The following PTPRM variants were observed in gnomAD, a reference collection of about 807,000 sequenced individuals.
PTPRM encodes the protein receptor-type tyrosine-protein phosphatase mu.
PTPRM carries 47 observed loss-of-function variants against 186.7 expected under a neutral mutation model. The observed-to-expected ratio is 0.25, with a 90% CI of 0.20 to 0.32. The LOEUF is 0.32. Among genes scored for constraint, PTPRM ranks in the 10% least tolerant of loss-of-function variants. The pLI is 1.00. For missense variants in PTPRM, 1,494 were observed against 1,865.0 expected (o/e 0.80, Z 3.66); for synonymous variants, 668 against 674.9 (o/e 0.99, Z 0.16).
At chr18:8,110,885 C>T (rs908869769) in intron 11 of PTPRM, among the ~76,000 whole-genome samples, 3 of 152,140 alleles carry the variant, frequency 2.0e-5, no homozygotes, top group African/African-American at 4.8e-5. Context: ...TCAGTGGAGA[C>T]TAGCTTATGT....
intron 2 of PTPRM, among the ~76,000 whole-genome samples, chr18:7,821,924 A>G (rs1244245410): frequency 6.6e-6 from 1 of 152,184 alleles, no homozygotes; most frequent in Non-Finnish European, 1.5e-5. Flanking sequence ...GGAATTGTTT[A>G]TTTCTGAAAT....
intron 7 of PTPRM, among the ~76,000 whole-genome samples, chr18:8,065,523 G>GT (rs1568280874): frequency 6.6e-6 from 1 of 152,138 alleles, no homozygotes; most frequent in Non-Finnish European, 1.5e-5. Context: ...CTTATCATGA[G>GT]TCAGTGGGCC....
At chr18:7,611,270 A>T (rs4798580) in intron 1 of PTPRM, among the ~76,000 whole-genome samples, 3,658 of 152,278 alleles carry the variant, frequency 0.024, 350 homozygotes, top group East Asian at 0.23. Flanking sequence ...AAATATGCTT[A>T]AAAAAGTAAA....
At chr18:8,316,655 G>A (rs1319801588) in intron 21 of PTPRM, among the ~76,000 whole-genome samples, 4 of 152,202 alleles carry the variant, frequency 2.6e-5, no homozygotes, top group African/African-American at 9.6e-5. Context: ...ACCCAGTGGA[G>A]CTGCTGTTCT....
chr18:8,143,437 GTATA>G (rs1202547586), intron 13 of PTPRM, among the ~76,000 whole-genome samples: 4 of 152,188 alleles, frequency 2.6e-5, no homozygotes, highest in Admixed American at 6.5e-5. Context: ...TATCCAGCTT[GTATA>G]TGGTTTAGTA....
At chr18:7,646,176 C>A (rs1464012985) in intron 1 of PTPRM, among the ~76,000 whole-genome samples, 1 of 152,092 alleles carries the variant, frequency 6.6e-6, no homozygotes, top group Non-Finnish European at 1.5e-5. Flanking sequence ...TCACAAAAAC[C>A]CATTCTCCTC....
intron 14 of PTPRM, among the ~76,000 whole-genome samples, chr18:8,166,642 A>G (rs2093328165): frequency 6.6e-6 from 1 of 152,244 alleles, no homozygotes; most frequent in East Asian, 1.9e-4. Context: ...TTAAGTGTTA[A>G]GCATCTGCCT....
At chr18:8,307,860 C>T (rs1391097124) in intron 20 of PTPRM, among the ~76,000 whole-genome samples, 3 of 151,848 alleles carry the variant, frequency 2.0e-5, no homozygotes, top group African/African-American at 7.3e-5. Flanking sequence ...GTCACTCCTG[C>T]CTTGATTTCA....
intron 7 of PTPRM, among the ~76,000 whole-genome samples, chr18:8,026,055 A>C (rs757983051): frequency 6.6e-6 from 1 of 152,230 alleles, no homozygotes; most frequent in Non-Finnish European, 1.5e-5. Context: ...CCCAAAGAGT[A>C]AATGTTTTCC....
chr18:8,151,257 C>T (rs986189111), intron 14 of PTPRM, among the ~76,000 whole-genome samples: 1 of 151,664 alleles, frequency 6.6e-6, no homozygotes, highest in African/African-American at 2.4e-5. Flanking sequence ...GGTGCTTCGT[C>T]CCAGGGAGGT....
intron 2 of PTPRM, among the ~76,000 whole-genome samples, chr18:7,840,708 A>T (rs1309623396): frequency 6.6e-6 from 1 of 152,214 alleles, no homozygotes; most frequent in Non-Finnish European, 1.5e-5. Context: ...TTTTGTTCAA[A>T]GGATGAATTG....
At chr18:7,923,029 A>G (rs1358893303) in intron 4 of PTPRM, among the ~76,000 whole-genome samples, 1 of 152,186 alleles carries the variant, frequency 6.6e-6, no homozygotes, top group Non-Finnish European at 1.5e-5. Context: ...GGGTGCCAAT[A>G]GCACTGCCTT....
intron 1 of PTPRM, among the ~76,000 whole-genome samples, chr18:7,715,429 C>A (rs886472113): frequency 7.2e-5 from 11 of 152,152 alleles, no homozygotes; most frequent in African/African-American, 1.4e-4. Flanking sequence ...TGGAAGCATT[C>A]CCTTTGAAAA....
At chr18:7,943,798 C>G (rs2052348019) in intron 5 of PTPRM, among the ~76,000 whole-genome samples, 1 of 152,158 alleles carries the variant, frequency 6.6e-6, no homozygotes, top group African/African-American at 2.4e-5. Context: ...ATAAATAGAA[C>G]CTTGTGATTA....
intron 25 of PTPRM, 42 bp from the exon 26 acceptor site, chr18:8,376,420 T>C (rs773274658): frequency 6.2e-7 from 1 of 1,612,974 alleles, no homozygotes; most frequent in Non-Finnish European, 8.5e-7. Context: ...AGCAGCAGTG[T>C]GGTCCTTCTT....
At chr18:8,056,031 T>C (rs910011690) in intron 7 of PTPRM, among the ~76,000 whole-genome samples, 45 of 152,336 alleles carry the variant, frequency 3.0e-4, no homozygotes, top group African/African-American at 1.1e-3. Flanking sequence ...ATACCGGATC[T>C]AGTTGTTTTC....
chr18:7,799,125 G>A (rs1195047952), intron 2 of PTPRM, among the ~76,000 whole-genome samples: 1 of 152,126 alleles, frequency 6.6e-6, no homozygotes, highest in Non-Finnish European at 1.5e-5. Flanking sequence ...CAGTTCTGGA[G>A]GCTGGGATAT....
chr18:7,642,675 A>T (rs1453434377), intron 1 of PTPRM, among the ~76,000 whole-genome samples: 1 of 152,036 alleles, frequency 6.6e-6, no homozygotes, highest in Non-Finnish European at 1.5e-5. Context: ...TGTGTGGGTT[A>T]TAGAAAGCTT....
chr18:8,242,654 T>C (rs2094443070), intron 14 of PTPRM, among the ~76,000 whole-genome samples: 1 of 152,248 alleles, frequency 6.6e-6, no homozygotes, highest in Admixed American at 6.5e-5. Flanking sequence ...CTAACAGCTT[T>C]TAGCAATAAA....
Sources: allele counts gnomAD v4.1 joint callset (sites outside exome capture counted in the v4.1 genomes callset), GRCh38; gene constraint gnomAD v4.1.1; transcripts MANE v1.5; gene names NCBI Gene and HGNC (gene_info 2026-07-23, HGNC 2026-07-21).